The following MGMT variants were observed in gnomAD, a reference collection of about 807,000 sequenced individuals.
The protein encoded by MGMT is methylated-DNA--protein-cysteine methyltransferase.
In MGMT, 14 loss-of-function variants were observed where a neutral mutation model predicts 15.9. The ratio of observed to expected loss-of-function variants is 0.88; its 90% CI spans 0.58 to 1.37. MGMT has a LOEUF of 1.37. Ranked by LOEUF, MGMT falls within the 40% of genes most tolerant of loss-of-function variation. MGMT has a pLI of 0.00. For synonymous variants in MGMT, 130 were observed against 118.2 expected, an observed-to-expected ratio of 1.10 and a Z score of -0.65; for missense variants, 282 against 268.1, an observed-to-expected ratio of 1.05 and a Z score of -0.36.
Position 129,667,690 on chromosome 10 carries a change from C to T in MGMT, c.126-40205C>T, listed in dbSNP as rs184907800. On this transcript the variant is annotated intron_variant, in intron 2 of 4. Coordinates refer to ENST00000651593, the MANE Select transcript of MGMT (RefSeq NM_002412.5). ...ATGGATGTAATTATTGTTAGTTTTC[C>T]AGTGTGATTAAACATCAGATTAGCG... Among the ~76,000 whole-genome samples, 87 of 152,272 alleles carry T rather than the reference C, an allele frequency of 5.7e-4. 1 individual carries two copies. Among genetic ancestry groups the T allele is most frequent in the Non-Finnish European group, 1.1e-3 (75 of 68,022 alleles).
intron 2 of MGMT, among the ~76,000 whole-genome samples, chr10:129,550,243 A>G (rs189535317): frequency 0.033 from 4,984 of 151,938 alleles, 128 homozygotes; most frequent in South Asian, 0.061. Context: ...GCCGCCCAGC[A>G]CTGGCATGTT....
rs1044073494 is a variant in MGMT at position 129,659,560 on chromosome 10, C to T, written c.126-48335C>T. 2.6e-5 allele frequency among the ~76,000 whole-genome samples: 4 copies of T among 151,958 alleles called. No homozygotes were observed. The highest frequency in any genetic ancestry group is 6.6e-5 in the Admixed American group (1 of 15,248). ...AGTCACACAGCATGCATATTAGTTCCGAGGCTACTGGCATTATTATTTAAT... is the reference window on the plus strand; with the variant it reads ...AGTCACACAGCATGCATATTAGTTCTGAGGCTACTGGCATTATTATTTAAT... On this transcript the variant is annotated intron_variant, in intron 2 of 4. Coordinates refer to ENST00000651593, the MANE Select transcript of MGMT (RefSeq NM_002412.5). This position sits in a 1 kb window ranked among gnomAD's most constrained non-coding sequence, Gnocchi z 4.1.
At chr10:129,544,942 A>G (rs1846083335) in intron 2 of MGMT, among the ~76,000 whole-genome samples, 1 of 152,192 alleles carries the variant, frequency 6.6e-6, no homozygotes, top group African/African-American at 2.4e-5. Context: ...CGGCGTGGCC[A>G]GGGGTCAGGC....
chr10:129,667,102 TACAC>T (rs1268158729), intron 2 of MGMT, among the ~76,000 whole-genome samples: 4 of 152,282 alleles, frequency 2.6e-5, no homozygotes, highest in Admixed American at 6.5e-5. Flanking sequence ...ATAAAGATAA[TACAC>T]ACAGAGAGAA....
At chr10:129,754,550 C>T (rs900882342) in intron 3 of MGMT, among the ~76,000 whole-genome samples, 2 of 152,296 alleles carry the variant, frequency 1.3e-5, no homozygotes, top group African/African-American at 4.8e-5. Flanking sequence ...ATTCCTCACT[C>T]GCCCTGAACA....
intron 2 of MGMT, among the ~76,000 whole-genome samples, chr10:129,617,630 T>C (rs1847042883): frequency 6.6e-6 from 1 of 152,208 alleles, no homozygotes; most frequent in South Asian, 2.1e-4. Flanking sequence ...TTCTGACTAG[T>C]GTGAGATGGT....
intron 2 of MGMT, among the ~76,000 whole-genome samples, chr10:129,694,645 C>A (rs573852089): frequency 6.6e-6 from 1 of 152,216 alleles, no homozygotes; most frequent in East Asian, 1.9e-4. Flanking sequence ...TTTTCCAAGC[C>A]CCAGTTACTT....
rs1847069478 is a variant in MGMT, at chr10:129,619,709, G to C, written c.125+83332G>C. ...CAGTTTTGGTTATCTGTCTTTCAAA[G>C]AGTTTGTTTTATCTAAGTGGTTGAG... On this transcript the variant is annotated intron_variant, in intron 2 of 4. Transcript: ENST00000651593. Among the ~76,000 whole-genome samples, 4 of 151,854 alleles carry C rather than the reference G, an allele frequency of 2.6e-5. 1 individual carries two copies. The South Asian group carries it at 8.5e-4, about 32-fold the overall frequency.
intron 2 of MGMT, among the ~76,000 whole-genome samples, chr10:129,674,810 G>A (rs1340876244): frequency 6.6e-6 from 1 of 152,176 alleles, no homozygotes; most frequent in African/African-American, 2.4e-5. Context: ...ATCAGTACCT[G>A]TTGGGGTCCG....
At chr10:129,523,015 G>A (rs1845830171) in intron 1 of MGMT, among the ~76,000 whole-genome samples, 1 of 152,254 alleles carries the variant, frequency 6.6e-6, no homozygotes, top group African/African-American at 2.4e-5. Context: ...ACATATTTAA[G>A]CTGAAGCTTC....
chr10:129,504,518 G>A (rs149768793), intron 1 of MGMT, among the ~76,000 whole-genome samples: 2 of 152,314 alleles, frequency 1.3e-5, no homozygotes, highest in East Asian at 3.9e-4. Flanking sequence ...GTTGCAGGAC[G>A]ACACTGTTGT....
chr10:129,698,226 G>A (rs12771882), intron 2 of MGMT, among the ~76,000 whole-genome samples: 29,461 of 152,062 alleles, frequency 0.19, 3,052 homozygotes, highest in East Asian at 0.31. Flanking sequence ...CAGGGCAGGC[G>A]GTTGCTACTC....
At chr10:129,715,309 C>T (rs550330525) in intron 3 of MGMT, among the ~76,000 whole-genome samples, 19 of 152,198 alleles carry the variant, frequency 1.2e-4, no homozygotes, top group East Asian at 5.8e-4. Context: ...AAGGATTTTC[C>T]GCAGTGTCCT....
At chr10:129,610,584 A>G (rs1037945151) in intron 2 of MGMT, among the ~76,000 whole-genome samples, 2 of 152,212 alleles carry the variant, frequency 1.3e-5, no homozygotes, top group Non-Finnish European at 2.9e-5. Flanking sequence ...TTTACCAACT[A>G]AAACAGGGGT....
intron 1 of MGMT, among the ~76,000 whole-genome samples, chr10:129,509,290 C>T (rs549886619): frequency 2.0e-5 from 3 of 152,292 alleles, no homozygotes; most frequent in Admixed American, 2.0e-4. Context: ...AGAGCGTTGC[C>T]GCCGTTCACA....
chr10:129,717,176 A>G (rs543725823), intron 3 of MGMT, among the ~76,000 whole-genome samples: 2 of 152,374 alleles, frequency 1.3e-5, no homozygotes, highest in East Asian at 3.9e-4. Context: ...CAATTACGGT[A>G]TCAACTTTCA....
intron 2 of MGMT, among the ~76,000 whole-genome samples, chr10:129,622,349 C>T (rs1361052240): frequency 6.6e-6 from 1 of 152,224 alleles, no homozygotes; most frequent in Non-Finnish European, 1.5e-5. Flanking sequence ...GGAAGTAATT[C>T]TCAGATCACA....
At position 129,714,422 on chromosome 10, in the gene MGMT, G is replaced by A. The variant is rs969045934; in HGVS notation, c.274+6379G>A. 4.6e-5 allele frequency among the ~76,000 whole-genome samples: 7 copies of A among 152,316 alleles called. No individual in the cohort carries two copies. In the East Asian group the frequency reaches 1.2e-3, roughly 25 times the overall value. On this transcript the variant is annotated intron_variant, in intron 3 of 4. Coordinates refer to ENST00000651593, the MANE Select transcript of MGMT (RefSeq NM_002412.5). The stretch of plus-strand genomic sequence containing the variant: ...CTTGGGCTAGGAGAGAGTTTTTAAA[G>A]TTTCAACAATGATTCATTCAAGCAC...
rs114027386 is a variant in MGMT at position 129,758,931 on chromosome 10, C to T, written c.275-271C>T. Among the ~76,000 whole-genome samples the T allele has an allele frequency of 5.2e-3, 788 of 152,350 alleles. 12 individuals carry two copies. The highest frequency in any genetic ancestry group is 0.018 in the African/African-American group (756 of 41,584). On this transcript the variant is annotated intron_variant, in intron 3 of 4. Transcript: ENST00000651593. Reference sequence around the variant, plus strand: ...GAAGAGTGGCACACGCAACCCCACGCGGAACACGGGAAGATGGAAAGAAAT... The same window carrying T: ...GAAGAGTGGCACACGCAACCCCACGTGGAACACGGGAAGATGGAAAGAAAT...
Sources: gnomAD v4.1 joint callset for allele counts (sites outside exome capture counted in the v4.1 genomes callset) on GRCh38, gnomAD v4.1.1 for gene constraint, Gnocchi (gnomAD v3.1) non-coding constraint, MANE v1.5 for transcripts, NCBI Gene and HGNC (gene_info 2026-07-23, HGNC 2026-07-21) for gene names.